Variants in BCAS3 observed in about 807,000 individuals in gnomAD.
BCAS3 encodes BCAS3 microtubule associated cell migration factor.
In BCAS3, 53 loss-of-function variants were observed where a neutral mutation model predicts 116.1. The ratio of observed to expected loss-of-function variants is 0.46; its 90% CI spans 0.37 to 0.57. The LOEUF is 0.57. BCAS3 is among the 20% of genes least tolerant of loss of function. BCAS3 has a pLI of 0.00. For missense variants in BCAS3, 917 were observed against 1,165.4 expected (o/e 0.79, Z 3.10); for synonymous variants, 391 against 408.2 (o/e 0.96, Z 0.51).
chr17:60,819,086 G>GT (rs1174432774), intron 7 of BCAS3, among the ~76,000 whole-genome samples: 1 of 152,160 alleles, frequency 6.6e-6, no homozygotes, highest in Non-Finnish European at 1.5e-5. Context: ...GCTTAGGGAT[G>GT]TTTTTTATAA....
chr17:61,264,081 G>GAA, intron 22 of BCAS3, among the ~76,000 whole-genome samples: 1 of 151,968 alleles, frequency 6.6e-6, no homozygotes, highest in East Asian at 1.9e-4. Context: ...CTGTAAAATG[G>GAA]GGTTAACAAG....
At chr17:60,855,793 C>T (rs1418890726) in intron 7 of BCAS3, among the ~76,000 whole-genome samples, 2 of 152,030 alleles carry the variant, frequency 1.3e-5, no homozygotes, top group Non-Finnish European at 2.9e-5. Flanking sequence ...AAGTGATCCT[C>T]CCACCTCAAC....
chr17:60,866,476 A>T (rs192589981), intron 7 of BCAS3, among the ~76,000 whole-genome samples: 103 of 152,276 alleles, frequency 6.8e-4, no homozygotes, highest in Admixed American at 3.5e-3. Flanking sequence ...TTTATGAGAC[A>T]TATAGATATA....
At chr17:60,756,657 CTTTA>C (rs1401344877) in intron 6 of BCAS3, among the ~76,000 whole-genome samples, 1 of 152,070 alleles carries the variant, frequency 6.6e-6, no homozygotes, top group Non-Finnish European at 1.5e-5. Context: ...ACCACATTTT[CTTTA>C]TTTATTCATC....
At chr17:60,939,123 G>A (rs2060095427) in intron 13 of BCAS3, among the ~76,000 whole-genome samples, 1 of 152,106 alleles carries the variant, frequency 6.6e-6, no homozygotes, top group Non-Finnish European at 1.5e-5. Flanking sequence ...AGCTGTTTGA[G>A]TTACAATATT....
rs2048112043 is a variant in BCAS3, at chr17:61,248,042, T to C, written c.2426-120285T>C. Among the ~76,000 whole-genome samples the C allele has an allele frequency of 6.6e-6, 1 of 152,258 alleles. No homozygotes were observed. Among genetic ancestry groups the C allele is most frequent in the African/African-American group, 2.4e-5 (1 of 41,464 alleles). ...GTTGGGGTACTTTGTTGGGATGTTT[T>C]GTTAGGATGCTTTTCTGAATTTTTC... is the stretch of plus-strand genomic sequence containing the variant. On this transcript the variant is annotated intron_variant, in intron 22 of 23. Transcript: ENST00000407086. The surrounding 1 kb of genome is among the most constrained non-coding windows in gnomAD (Gnocchi z 4.3).
At chr17:60,695,710 T>C (rs957297172) in intron 4 of BCAS3, among the ~76,000 whole-genome samples, 1 of 152,198 alleles carries the variant, frequency 6.6e-6, no homozygotes, top group African/African-American at 2.4e-5. Flanking sequence ...ATGATCCTCC[T>C]GCCTTAGCCT....
rs182099332 is a variant in BCAS3 at position 61,273,372 on chromosome 17, A to T, written c.2426-94955A>T. Among the ~76,000 whole-genome samples the T allele has an allele frequency of 1.9e-3, 286 of 152,220 alleles. 5 individuals carry two copies. Among genetic ancestry groups the T allele is most frequent in the Admixed American group, 0.019 (286 of 15,288 alleles). On this transcript the variant is annotated intron_variant, in intron 22 of 23. Transcript: ENST00000407086. ...TTTTGCTGAATATAATGCTGCATTTAAAAAATACCATTTTTTAAAAAGCCA... is the reference window on the plus strand; with the variant it reads ...TTTTGCTGAATATAATGCTGCATTTTAAAAATACCATTTTTTAAAAAGCCA...
At position 61,004,369 on chromosome 17, in the gene BCAS3, T is replaced by G. The variant is rs1453691465; in HGVS notation, c.1487-11382T>G. 7.0e-6 allele frequency among the ~76,000 whole-genome samples: 1 copy of G among 143,102 alleles called. No individual in the cohort carries two copies. The highest frequency in any genetic ancestry group is 1.5e-5 in the Non-Finnish European group (1 of 64,976). The allele number at this position is 143,102 out of a possible 152,430, so 93.9% of individuals were successfully genotyped here. On this transcript the variant is annotated intron_variant, in intron 15 of 23. Coordinates refer to ENST00000407086, the MANE Select transcript of BCAS3 (RefSeq NM_017679.5). This position sits in a 1 kb window ranked among gnomAD's most constrained non-coding sequence, Gnocchi z 4.8. ...CTTATCAAAAGGAAGATCTGAAATG[T>G]TTTTTTTTTTTAATTTGGAGAAAAA...
intron 6 of BCAS3, among the ~76,000 whole-genome samples, chr17:60,748,637 C>G (rs2042197285): frequency 6.6e-6 from 1 of 152,084 alleles, no homozygotes; most frequent in Non-Finnish European, 1.5e-5. Context: ...CAGATTTTTC[C>G]CTCTTCATGT....
chr17:60,985,664 C>T (rs1401500941), intron 14 of BCAS3, among the ~76,000 whole-genome samples: 1 of 152,070 alleles, frequency 6.6e-6, no homozygotes, highest in Admixed American at 6.6e-5. Flanking sequence ...CTCCCCCCTC[C>T]TCCCTCCACT....
At chr17:60,871,263 G>T (rs2055072124) in intron 8 of BCAS3, among the ~76,000 whole-genome samples, 1 of 152,104 alleles carries the variant, frequency 6.6e-6, no homozygotes, top group South Asian at 2.1e-4. Flanking sequence ...CTCCCAAGCT[G>T]AAGCAATCCT....
At chr17:60,708,324 CAAAAAAAA>C (rs1211925653) in intron 4 of BCAS3, among the ~76,000 whole-genome samples, 1 of 75,682 alleles carries the variant, frequency 1.3e-5, no homozygotes, top group South Asian at 6.1e-4. Context: ...GATTCTGTCT[CAAAAAAAA>C]AAAAAAAAAA....
chr17:61,159,496 A>G (rs2078042524), intron 22 of BCAS3: 1 of 152,208 alleles, frequency 6.6e-6, no homozygotes, highest in African/African-American at 2.4e-5. Flanking sequence ...AATTATTAAG[A>G]TTACAAAAAC....
chr17:61,165,190 A>AC (rs2078415372), intron 22 of BCAS3, among the ~76,000 whole-genome samples: 2 of 152,192 alleles, frequency 1.3e-5, no homozygotes, highest in South Asian at 4.1e-4. Flanking sequence ...CTCTGTTAGG[A>AC]CCAACAGCAT....
Position 61,026,148 on chromosome 17 carries a change from T to A in BCAS3, c.1638-8518T>A, listed in dbSNP as rs375365726. Among the ~76,000 whole-genome samples the A allele has an allele frequency of 1.1e-3, 170 of 152,138 alleles. 1 individual carries two copies. Among genetic ancestry groups the A allele is most frequent in the African/African-American group, 3.4e-3 (142 of 41,554 alleles). ...AGAAGAAATATGTATAACATTGAAG[T>A]CCCAGTTTCCCAGTTGTATTTAAAA... On this transcript the variant is annotated intron_variant, in intron 16 of 23. Coordinates refer to ENST00000407086, the MANE Select transcript of BCAS3 (RefSeq NM_017679.5). This position sits in a 1 kb window ranked among gnomAD's most constrained non-coding sequence, Gnocchi z 5.0.
rs564429946 is a variant in BCAS3, at chr17:61,002,187, A to G, written c.1486+11952A>G. Among the ~76,000 whole-genome samples, 23 of 152,242 alleles carry G rather than the reference A, an allele frequency of 1.5e-4. No individual in the cohort carries two copies. The South Asian group carries it at 4.8e-3, about 32-fold the overall frequency. On this transcript the variant is annotated intron_variant, in intron 15 of 23. Coordinates refer to ENST00000407086, the MANE Select transcript of BCAS3 (RefSeq NM_017679.5). ...TAGTGCTATGAAAATTAATTTAAAA[A>G]TATTTTAAACCTAAATAAACTCTAT...
At chr17:61,216,495 T>TA (rs1408133993) in intron 22 of BCAS3, among the ~76,000 whole-genome samples, 6 of 151,264 alleles carry the variant, frequency 4.0e-5, no homozygotes, top group African/African-American at 1.5e-4. Context: ...ACCTATGAAC[T>TA]AAGCAAGTCA....
chr17:61,210,932 TAG>T (rs2081421552), intron 22 of BCAS3, among the ~76,000 whole-genome samples: 1 of 152,040 alleles, frequency 6.6e-6, no homozygotes, highest in African/African-American at 2.4e-5. Context: ...TCTTTTCAGA[TAG>T]AGTCTGAAAA....
Sources: allele counts gnomAD v4.1 joint callset (sites outside exome capture counted in the v4.1 genomes callset), GRCh38; gene constraint gnomAD v4.1.1; non-coding constraint Gnocchi (gnomAD v3.1); transcripts MANE v1.5; gene names NCBI Gene and HGNC (gene_info 2026-07-23, HGNC 2026-07-21).